EPS8: variants seen among roughly 807,000 people sequenced by gnomAD.
The protein encoded by EPS8 is EGFR pathway substrate 8, signaling adaptor.
EPS8 carries 42 observed loss-of-function variants against 103.8 expected under a neutral mutation model. The ratio of observed to expected loss-of-function variants is 0.40; its 90% CI spans 0.32 to 0.52. The LOEUF (loss-of-function observed/expected upper bound fraction) is 0.52, where lower values mean the gene tolerates loss of function less well. Ranked by LOEUF, EPS8 falls within the 20% of genes least tolerant of loss-of-function variation. The probability of loss-of-function intolerance (pLI) is 0.40; values close to 1 mark genes in which losing one functional copy is unlikely to be tolerated. For synonymous variants in EPS8, 344 were observed against 344.6 expected (o/e 1.00, Z 0.02); for missense variants, 969 against 1,005.1 (o/e 0.96, Z 0.49).
chr12:15,664,100 T>C (rs1376977009), intron 8 of EPS8, among the ~76,000 whole-genome samples: 1 of 150,154 alleles, frequency 6.7e-6, no homozygotes, highest in African/African-American at 2.4e-5. Flanking sequence ...ATCCTTCCTC[T>C]ACTTCAGACC....
intron 1 of EPS8, among the ~76,000 whole-genome samples, chr12:15,763,952 C>T (rs751724549): frequency 9.9e-5 from 15 of 152,168 alleles, no homozygotes; most frequent in Non-Finnish European, 1.2e-4. Flanking sequence ...CAATATTCGG[C>T]ATGGTATTCA....
Position 15,700,432 on chromosome 12 carries a change from T to C in EPS8, c.-21-17460A>G, listed in dbSNP as rs1946297551. On this transcript the variant is annotated intron_variant, in intron 1 of 20. Coordinates refer to ENST00000281172, the MANE Select transcript of EPS8 (RefSeq NM_004447.6). This position sits in a 1 kb window ranked among gnomAD's most constrained non-coding sequence, Gnocchi z 5.1. Reference sequence around the variant, plus strand: ...ATTCTAATGATTAAAGTGTATATTATCACCAATATAAATTCCTCTAAAATT... The same window carrying C: ...ATTCTAATGATTAAAGTGTATATTACCACCAATATAAATTCCTCTAAAATT... Among the ~76,000 whole-genome samples, 1 of 152,212 alleles carries C rather than the reference T, an allele frequency of 6.6e-6. No individual in the cohort carries two copies. Among genetic ancestry groups the C allele is most frequent in the African/African-American group, 2.4e-5 (1 of 41,460 alleles).
At chr12:15,661,425 G>C (rs143576941) in intron 9 of EPS8, among the ~76,000 whole-genome samples, 13 of 152,142 alleles carry the variant, frequency 8.5e-5, no homozygotes, top group Admixed American at 4.6e-4. Context: ...TTCAGTATTT[G>C]TTTCTCAATA....
Position 15,629,287 on chromosome 12 carries a change from C to T in EPS8, c.2044+2155G>A, listed in dbSNP as rs200741687. ...GAACAAAGAACAGACTGTCCTAACC[C>T]ACACACTGCTCCAAATGGGGACTGG... On this transcript the variant is annotated intron_variant, in intron 18 of 20. Transcript: ENST00000281172. Among the ~76,000 whole-genome samples the T allele has an allele frequency of 3.3e-5, 5 of 152,294 alleles. No individual in the cohort carries two copies. In the East Asian group the frequency reaches 9.6e-4, roughly 29 times the overall value.
Position 15,731,261 on chromosome 12 carries a change from ATAAAACTT to A in EPS8, c.-21-48297_-21-48290del, listed in dbSNP as rs1312709339. ...AGTATTTTGAAGACAAATTCAGAAT[ATAAAACTT>A]TAATAAGCCTTCCACCATTAAAAAT... On this transcript the variant is annotated intron_variant, in intron 1 of 20. Coordinates refer to ENST00000281172, the MANE Select transcript of EPS8 (RefSeq NM_004447.6). The surrounding 1 kb of genome is among the most constrained non-coding windows in gnomAD (Gnocchi z 5.1). 1.3e-5 allele frequency among the ~76,000 whole-genome samples: 2 copies of A among 152,218 alleles called. No homozygotes were observed. Among genetic ancestry groups the A allele is most frequent in the Non-Finnish European group, 2.9e-5 (2 of 68,028 alleles).
intron 12 of EPS8, 38 bp from the exon 13 acceptor site, chr12:15,654,331 ATTCT>A (rs1945471016): frequency 6.3e-7 from 1 of 1,591,240 alleles, no homozygotes; most frequent in African/African-American, 1.3e-5. Flanking sequence ...GAAGATTACT[ATTCT>A]TTGTGTATTT....
rs112172507 is a variant in EPS8 at position 15,762,155 on chromosome 12, T to C, written c.-22+27006A>G. 2.3e-3 allele frequency among the ~76,000 whole-genome samples: 353 copies of C among 152,218 alleles called. 4 individuals are homozygous for C. The highest frequency in any genetic ancestry group is 7.9e-3 in the African/African-American group (327 of 41,562). ...AATAGAAATTTCTCAAAGGAAGACA[T>C]ACAAATGGCAAACAGGCATACGAAA... On this transcript the variant is annotated intron_variant, in intron 1 of 20. Transcript: ENST00000281172. The surrounding 1 kb of genome is among the most constrained non-coding windows in gnomAD (Gnocchi z 4.8).
chr12:15,722,903 T>C (rs534984167), intron 1 of EPS8, among the ~76,000 whole-genome samples: 1 of 151,906 alleles, frequency 6.6e-6, no homozygotes, highest in Admixed American at 6.6e-5. Flanking sequence ...GTTTCAAATA[T>C]GAATTGTGGA....
At chr12:15,672,530 A>G (rs1945834657) in intron 3 of EPS8, 2 of 398,402 alleles carry the variant, frequency 5.0e-6, no homozygotes, top group East Asian at 7.2e-5. Context: ...CATCAAAAAG[A>G]AAGATCTGGT....
rs1947074539 is a variant in EPS8 at position 15,764,603 on chromosome 12, C to T, written c.-22+24558G>A. Among the ~76,000 whole-genome samples, 1 of 152,138 alleles carries T rather than the reference C, an allele frequency of 6.6e-6. No homozygotes were observed. On this transcript the variant is annotated intron_variant, in intron 1 of 20. Transcript: ENST00000281172. The surrounding 1 kb of genome is among the most constrained non-coding windows in gnomAD (Gnocchi z 4.1). ...ATTTTATTTTCAGGGCTTGATGAAA[C>T]TTCAACCAGATAAAGTAATGTCTGA...
chr12:15,649,044 C>T (rs573056112), intron 14 of EPS8, among the ~76,000 whole-genome samples: 1 of 152,156 alleles, frequency 6.6e-6, no homozygotes, highest in Non-Finnish European at 1.5e-5. Flanking sequence ...AACAAAATCT[C>T]AAGGCATAAA....
At chr12:15,744,440 C>A (rs1272810023) in intron 1 of EPS8, among the ~76,000 whole-genome samples, 1 of 152,160 alleles carries the variant, frequency 6.6e-6, no homozygotes, top group African/African-American at 2.4e-5. Context: ...TGAAACTGAT[C>A]AGTAAGAATA....
In EPS8 at chr12:15,745,646, T is replaced by C. The variant is rs754353985; in HGVS notation, c.-22+43515A>G. On this transcript the variant is annotated intron_variant, in intron 1 of 20. Transcript: ENST00000281172. The surrounding 1 kb of genome is among the most constrained non-coding windows in gnomAD (Gnocchi z 4.6). Reference sequence around the variant, plus strand: ...TGTAGCAATCATTGCTAGCAAAATATAGACCTCCCATTGTTCACTTTCAAA... The same window carrying C: ...TGTAGCAATCATTGCTAGCAAAATACAGACCTCCCATTGTTCACTTTCAAA... Among the ~76,000 whole-genome samples, 3 of 151,838 alleles carry C rather than the reference T, an allele frequency of 2.0e-5. No individual in the cohort carries two copies. The highest frequency in any genetic ancestry group is 2.9e-5 in the Non-Finnish European group (2 of 67,964).
intron 17 of EPS8, among the ~76,000 whole-genome samples, chr12:15,638,015 T>C (rs193115340): frequency 1.6e-3 from 245 of 152,312 alleles, no homozygotes; most frequent in African/African-American, 5.5e-3. Context: ...TTGAGTTTTA[T>C]AAGGTTAGGG....
At chr12:15,671,994 C>G (rs1254754546) in intron 3 of EPS8, among the ~76,000 whole-genome samples, 1 of 152,104 alleles carries the variant, frequency 6.6e-6, no homozygotes, top group African/African-American at 2.4e-5. Flanking sequence ...ATACCCTGGG[C>G]CTCAGCACCC....
intron 17 of EPS8, among the ~76,000 whole-genome samples, chr12:15,639,411 T>C (rs887780144): frequency 5.3e-5 from 8 of 152,020 alleles, no homozygotes; most frequent in African/African-American, 1.7e-4. Context: ...CCATGGGAAA[T>C]GGAGGAGACC....
chr12:15,638,876 T>C (rs985342119), intron 17 of EPS8, among the ~76,000 whole-genome samples: 1 of 152,256 alleles, frequency 6.6e-6, no homozygotes, highest in Admixed American at 6.5e-5. Flanking sequence ...AGTCAACTTA[T>C]GGCTCAAGCC....
chr12:15,781,383 G>C lies in EPS8; in HGVS notation c.-22+7778C>G, dbSNP rs1165159162. On this transcript the variant is annotated intron_variant, in intron 1 of 20. Transcript: ENST00000281172. The surrounding 1 kb of genome is among the most constrained non-coding windows in gnomAD (Gnocchi z 4.1). ...TAAGGGCAGCACAACCAAGTGGAAA[G>C]GGCATGGATTTTGGAGTCAGGTCAG... Among the ~76,000 whole-genome samples the C allele has an allele frequency of 1.3e-5, 2 of 152,162 alleles. No individual in the cohort carries two copies. Among genetic ancestry groups the C allele is most frequent in the Non-Finnish European group, 2.9e-5 (2 of 68,032 alleles).
intron 15 of EPS8, 92 bp downstream of exon 15, chr12:15,647,035 A>C (rs1399408235): frequency 8.4e-7 from 1 of 1,185,938 alleles, no homozygotes; most frequent in African/African-American, 1.5e-5. Flanking sequence ...AGTTTAAAGA[A>C]GCAGTAGACA....
Sources: allele counts gnomAD v4.1 joint callset (sites outside exome capture counted in the v4.1 genomes callset), GRCh38; gene constraint gnomAD v4.1.1; non-coding constraint Gnocchi (gnomAD v3.1); transcripts MANE v1.5; gene names NCBI Gene and HGNC (gene_info 2026-07-23, HGNC 2026-07-21).